The following NOX4 variants were observed in gnomAD, a reference collection of about 807,000 sequenced individuals.
NOX4 encodes NADPH oxidase 4.
Under a neutral mutation model 87.6 loss-of-function variants are expected in NOX4, and 69 were observed. That is an observed-to-expected ratio of 0.79 (90% CI 0.65 to 0.96). The LOEUF is 0.96. NOX4 is among the 40% of genes least tolerant of loss of function. The probability of loss-of-function intolerance (pLI) is 0.00; values close to 1 mark genes in which losing one functional copy is unlikely to be tolerated. For missense variants in NOX4, 680 were observed against 681.5 expected, an observed-to-expected ratio of 1.00 and a Z score of 0.02; for synonymous variants, 275 against 238.2, an observed-to-expected ratio of 1.15 and a Z score of -1.42.
At chr11:89,418,755 T>C (rs994193813) in intron 8 of NOX4, among the ~76,000 whole-genome samples, 1 of 151,990 alleles carries the variant, frequency 6.6e-6, no homozygotes, top group African/African-American at 2.4e-5. Context: ...AGAATGGACA[T>C]CTTCAAAATT....
chr11:89,420,677 C>G (rs1943035577), intron 8 of NOX4, among the ~76,000 whole-genome samples: 1 of 152,154 alleles, frequency 6.6e-6, no homozygotes, highest in South Asian at 2.1e-4. Flanking sequence ...AAATGACCCA[C>G]TGTACTGATA....
At chr11:89,348,132 C>A (rs1403113163) in intron 13 of NOX4, among the ~76,000 whole-genome samples, 1 of 152,124 alleles carries the variant, frequency 6.6e-6, no homozygotes, top group Non-Finnish European at 1.5e-5. Flanking sequence ...AGACCTATGT[C>A]TCTGGTCAGG....
chr11:89,439,006 T>C (rs1335833401), intron 6 of NOX4, among the ~76,000 whole-genome samples: 2 of 114,482 alleles, frequency 1.7e-5, no homozygotes, highest in African/African-American at 3.2e-5. Context: ...ATAATATTAG[T>C]AATATTAGTA....
the NOX4 span, among the ~76,000 whole-genome samples, chr11:89,511,451 T>C: frequency 4.6e-5 from 7 of 152,060 alleles, no homozygotes; most frequent in African/African-American, 1.7e-4. Flanking sequence ...CCTGTTTCTA[T>C]GAGATTAACA....
At position 89,491,237 on chromosome 11, in the gene NOX4, A is replaced by G; in HGVS notation, c.10T>C (p.Ser4Pro). MAVSWRSWLANEGV... is the reference protein window; with the variant it reads MAVPWRSWLANEGV... ...TCGTTGGCGAGCCAGCTCCTCCAGG[A>G]CACAGCCATGCCGCCGGCCCCGCCG... The change falls in exon 1 of 18, where the codon TCC becomes CCC. Residue 4 changes from serine (S) to proline (P), a missense_variant. Ser to Pro is a moderately conservative substitution (Grantham distance 74). Transcript: ENST00000263317. 1 of 1,613,296 alleles carries G rather than the reference A, an allele frequency of 6.2e-7. No homozygotes were observed. The highest frequency in any genetic ancestry group is 1.1e-5 in the South Asian group (1 of 91,046).
At position 89,325,099 on chromosome 11, in the gene NOX4, T is replaced by C. The variant is rs1945168337; in HGVS notation, c.*1657A>G. ...ACTACTAAACAAAATCACTAAACTG[T>C]ATGAATGCTTTAATTCTTTTTTTTT... On this transcript the variant is annotated 3_prime_UTR_variant, in exon 18 of 18. Transcript: ENST00000263317. The C allele has an allele frequency of 1.3e-5, 2 of 149,978 alleles. No homozygotes were observed. The highest frequency in any genetic ancestry group is 6.7e-5 in the Admixed American group (1 of 14,990). The allele number at this position is 149,978 out of a possible 1,614,324, so 9.3% of individuals were successfully genotyped here.
chr11:89,465,045 T>C (rs372018310), intron 2 of NOX4, among the ~76,000 whole-genome samples: 5 of 152,126 alleles, frequency 3.3e-5, no homozygotes, highest in African/African-American at 1.2e-4. Context: ...AACGTGTAGG[T>C]TTTTTACATA....
At chr11:89,414,611 A>AT (rs71464047) in intron 8 of NOX4, among the ~76,000 whole-genome samples, 7 of 134,452 alleles carry the variant, frequency 5.2e-5, no homozygotes, top group Admixed American at 1.5e-4. Context: ...AAAGTATCAC[A>AT]TTTTTTTTAT....
At chr11:89,576,522 C>T in the NOX4 span, among the ~76,000 whole-genome samples, 2 of 152,222 alleles carry the variant, frequency 1.3e-5, no homozygotes, top group South Asian at 2.1e-4. Flanking sequence ...TTATTTAAAT[C>T]TAGCTTCTTC....
At chr11:89,454,540 T>A (rs1160238974) in intron 2 of NOX4, among the ~76,000 whole-genome samples, 2 of 152,146 alleles carry the variant, frequency 1.3e-5, no homozygotes, top group Non-Finnish European at 2.9e-5. Context: ...AACTGTACTG[T>A]TTACAAGTTA....
At chr11:89,329,356 G>GAAAAAAAAAAAAA (rs377055666) in intron 17 of NOX4, among the ~76,000 whole-genome samples, 82 of 34,532 alleles carry the variant, frequency 2.4e-3, no homozygotes, top group African/African-American at 3.2e-3. Context: ...GAAAAAAACT[G>GAAAAAAAAAAAAA]AAAAAAAAAA....
chr11:89,360,425 T>C (rs531520227), intron 12 of NOX4, among the ~76,000 whole-genome samples: 1 of 152,244 alleles, frequency 6.6e-6, no homozygotes, highest in East Asian at 1.9e-4. Context: ...TCACAATGCA[T>C]ATGTATACCA....
At chr11:89,484,951 C>A (rs1189665713) in intron 2 of NOX4, among the ~76,000 whole-genome samples, 2 of 152,056 alleles carry the variant, frequency 1.3e-5, no homozygotes, top group African/African-American at 4.8e-5. Flanking sequence ...CTGAAAGTAA[C>A]AGGGATCATA....
At chr11:89,385,279 A>G (rs1451072838) in intron 11 of NOX4, among the ~76,000 whole-genome samples, 2 of 152,144 alleles carry the variant, frequency 1.3e-5, no homozygotes, top group Non-Finnish European at 2.9e-5. Context: ...TTTACTTCCA[A>G]AGGAAGCTGG....
the NOX4 span, among the ~76,000 whole-genome samples, chr11:89,566,542 C>T: frequency 6.6e-6 from 1 of 151,986 alleles, no homozygotes; most frequent in African/African-American, 2.4e-5. Flanking sequence ...TCAGTGAAGT[C>T]ATCTAAATTT....
chr11:89,437,267 C>A (rs1426345066), intron 6 of NOX4, among the ~76,000 whole-genome samples: 1 of 152,056 alleles, frequency 6.6e-6, no homozygotes, highest in Admixed American at 6.6e-5. Context: ...ACTTGGGAGG[C>A]TGAGGCAATG....
At chr11:89,494,528 T>C (rs117790990), upstream of NOX4, among the ~76,000 whole-genome samples, 5 of 152,344 alleles carry the variant, frequency 3.3e-5, no homozygotes, top group Non-Finnish European at 7.4e-5. Flanking sequence ...ATTTTTATTC[T>C]AGGACTTAGC....
intron 2 of NOX4, among the ~76,000 whole-genome samples, chr11:89,481,547 C>T (rs754569119): frequency 2.0e-5 from 3 of 152,128 alleles, no homozygotes; most frequent in South Asian, 2.1e-4. Flanking sequence ...TGCTTAACCA[C>T]AATTGAAATT....
chr11:89,561,748 C>T, the NOX4 span, among the ~76,000 whole-genome samples: 1 of 152,124 alleles, frequency 6.6e-6, no homozygotes, highest in Non-Finnish European at 1.5e-5. Flanking sequence ...TCTTGAGGAG[C>T]TTCCTTTCTC....
Sources: gnomAD v4.1 joint callset for allele counts (sites outside exome capture counted in the v4.1 genomes callset) on GRCh38, gnomAD v4.1.1 for gene constraint, MANE v1.5 for transcripts, NCBI Gene and HGNC (gene_info 2026-07-23, HGNC 2026-07-21) for gene names.